The following NRG1 variants were observed in gnomAD, a reference collection of about 807,000 sequenced individuals.
The protein encoded by NRG1 is pro-neuregulin-1, membrane-bound isoform.
In NRG1, 18 loss-of-function variants were observed where a neutral mutation model predicts 63.8. The ratio of observed to expected loss-of-function variants is 0.28; its 90% CI spans 0.19 to 0.42. NRG1 has a LOEUF of 0.42. Among genes scored for constraint, NRG1 ranks in the 10% least tolerant of loss-of-function variants. The pLI is 1.00. For synonymous variants in NRG1, 302 were observed against 301.3 expected, an observed-to-expected ratio of 1.00 and a Z score of -0.02; for missense variants, 762 against 814.7, an observed-to-expected ratio of 0.94 and a Z score of 0.79.
At chr8:32,273,887 T>G (rs569904309) in intron 1 of NRG1, among the ~76,000 whole-genome samples, 2 of 152,338 alleles carry the variant, frequency 1.3e-5, no homozygotes, top group East Asian at 3.9e-4. Context: ...TCATGTTTTA[T>G]AGCCAAAGTC....
intron 1 of NRG1, among the ~76,000 whole-genome samples, chr8:31,923,870 C>T (rs531096863): frequency 6.6e-6 from 1 of 152,036 alleles, no homozygotes. Context: ...TCCCACCCCT[C>T]ACCCCTCTAA....
chr8:31,968,032 A>G (rs1018400897), intron 1 of NRG1, among the ~76,000 whole-genome samples: 3 of 152,194 alleles, frequency 2.0e-5, no homozygotes, highest in African/African-American at 7.2e-5. Flanking sequence ...TCAGTTCTTC[A>G]TATTGCCTTA....
intron 1 of NRG1, among the ~76,000 whole-genome samples, chr8:32,383,636 G>GAT (rs1810628882): frequency 6.6e-6 from 1 of 152,188 alleles, no homozygotes; most frequent in South Asian, 2.1e-4. Context: ...GAGTCACATA[G>GAT]ATGTGACTGC....
intron 1 of NRG1, among the ~76,000 whole-genome samples, chr8:32,368,406 A>T (rs1351187246): frequency 4.0e-5 from 6 of 149,124 alleles, no homozygotes; most frequent in Admixed American, 2.7e-4. Flanking sequence ...CTGTCTCTAA[A>T]TTTTTTTTTT....
intron 1 of NRG1, among the ~76,000 whole-genome samples, chr8:32,082,374 C>G (rs1409748607): frequency 6.6e-6 from 1 of 152,070 alleles, no homozygotes; most frequent in Non-Finnish European, 1.5e-5. Context: ...CCTCCACCCT[C>G]CACCCTCAAG....
chr8:32,402,418 A>G (rs1356424177), intron 1 of NRG1, among the ~76,000 whole-genome samples: 1 of 152,050 alleles, frequency 6.6e-6, no homozygotes, highest in Non-Finnish European at 1.5e-5. Context: ...TATTAAATGG[A>G]AAATTTAAAA....
chr8:31,801,540 A>T (rs1367123645), intron 1 of NRG1, among the ~76,000 whole-genome samples: 1 of 152,198 alleles, frequency 6.6e-6, no homozygotes, highest in African/African-American at 2.4e-5. Context: ...GTGTGACTTT[A>T]TGGCTAGAAC....
chr8:32,073,777 C>G (rs991465850), intron 1 of NRG1, among the ~76,000 whole-genome samples: 1 of 152,134 alleles, frequency 6.6e-6, no homozygotes, highest in African/African-American at 2.4e-5. Context: ...GTAAACAATG[C>G]AGTTAGGTCA....
intron 1 of NRG1, among the ~76,000 whole-genome samples, chr8:31,969,194 G>T (rs1488213957): frequency 6.6e-6 from 1 of 151,864 alleles, no homozygotes; most frequent in Non-Finnish European, 1.5e-5. Flanking sequence ...TTATTTTTTA[G>T]TAACTTCATA....
At chr8:32,650,577 C>T (rs1854831438) in intron 5 of NRG1, among the ~76,000 whole-genome samples, 1 of 136,598 alleles carries the variant, frequency 7.3e-6, no homozygotes, top group Admixed American at 8.5e-5. Flanking sequence ...TTGGTCCAGG[C>T]AGCTTTGTTT....
chr8:31,937,421 T>G (rs1345092438), intron 1 of NRG1, among the ~76,000 whole-genome samples: 2 of 152,136 alleles, frequency 1.3e-5, no homozygotes, highest in Non-Finnish European at 2.9e-5. Flanking sequence ...AGATTTTAAG[T>G]ATTAGGGATG....
intron 1 of NRG1, among the ~76,000 whole-genome samples, chr8:32,166,710 A>T (rs940183117): frequency 6.6e-6 from 1 of 152,210 alleles, no homozygotes; most frequent in African/African-American, 2.4e-5. Flanking sequence ...AAGAGGAAGG[A>T]GCTGGTGATC....
At chr8:32,533,649 C>T (rs946559494) in intron 1 of NRG1, among the ~76,000 whole-genome samples, 6 of 152,050 alleles carry the variant, frequency 3.9e-5, no homozygotes, top group Non-Finnish European at 8.8e-5. Context: ...AAATGGGACA[C>T]TGTTAATTAA....
chr8:32,437,016 G>A (rs1271273454), intron 1 of NRG1, among the ~76,000 whole-genome samples: 2 of 152,042 alleles, frequency 1.3e-5, no homozygotes, highest in South Asian at 2.1e-4. Context: ...AGATGTTTGG[G>A]ACTGTTTATG....
chr8:32,732,328 C>T (rs1433166845), intron 6 of NRG1, among the ~76,000 whole-genome samples: 1 of 152,126 alleles, frequency 6.6e-6, no homozygotes, highest in Non-Finnish European at 1.5e-5. Context: ...ATGAAATTGT[C>T]CAGATTTCCT....
intron 1 of NRG1, among the ~76,000 whole-genome samples, chr8:31,922,206 C>T (rs919376205): frequency 6.6e-6 from 1 of 152,122 alleles, no homozygotes. Context: ...ACCTTGTTAT[C>T]GCATTAGTTG....
intron 1 of NRG1, among the ~76,000 whole-genome samples, chr8:32,233,954 G>C (rs1400737565): frequency 6.6e-6 from 1 of 152,106 alleles, no homozygotes; most frequent in Non-Finnish European, 1.5e-5. Flanking sequence ...GTTTCATTAA[G>C]GAATGTCTGA....
chr8:32,109,878 G>T (rs1291519257), intron 1 of NRG1, among the ~76,000 whole-genome samples: 2 of 152,114 alleles, frequency 1.3e-5, no homozygotes, highest in Non-Finnish European at 2.9e-5. Flanking sequence ...TCAGCCTCTA[G>T]GTTGCTAGAA....
chr8:31,877,454 T>TGTCTCTGTGTCTCTCTCTCC (rs1830014975), intron 1 of NRG1, among the ~76,000 whole-genome samples: 1 of 151,934 alleles, frequency 6.6e-6, no homozygotes. Context: ...TCTCTCTCTC[T>TGTCTCTGTGTCTCTCTCTCC]GTCTCTGTGT....
Sources: gnomAD v4.1 joint callset for allele counts (sites outside exome capture counted in the v4.1 genomes callset) on GRCh38, gnomAD v4.1.1 for gene constraint, MANE v1.5 for transcripts, NCBI Gene and HGNC (gene_info 2026-07-23, HGNC 2026-07-21) for gene names.